Variants in RTN1 observed in about 807,000 individuals in gnomAD.
RTN1 encodes the protein reticulon-1.
Under a neutral mutation model 65.5 loss-of-function variants are expected in RTN1, and 25 were observed. That is an observed-to-expected ratio of 0.38 (90% CI 0.28 to 0.53). RTN1 has a LOEUF of 0.53. Ranked by LOEUF, RTN1 falls within the 20% of genes least tolerant of loss-of-function variation. The pLI is 0.79. For missense variants in RTN1, 983 were observed against 1,025.4 expected, an observed-to-expected ratio of 0.96 and a Z score of 0.57; for synonymous variants, 471 against 447.6, an observed-to-expected ratio of 1.05 and a Z score of -0.66.
At chr14:59,618,150 A>T (rs1349563414) in intron 3 of RTN1, among the ~76,000 whole-genome samples, 1 of 152,250 alleles carries the variant, frequency 6.6e-6, no homozygotes. Context: ...AAACAAAGAC[A>T]GTAACAGCCC....
chr14:59,830,228 C>T (rs1390196345), intron 1 of RTN1, among the ~76,000 whole-genome samples: 2 of 152,144 alleles, frequency 1.3e-5, no homozygotes, highest in East Asian at 1.9e-4. Context: ...CTAACTACAT[C>T]GGATATGAAT....
At chr14:59,601,347 AC>A (rs5809040) in intron 8 of RTN1, among the ~76,000 whole-genome samples, 28,095 of 152,038 alleles carry the variant, frequency 0.18, 3,150 homozygotes, top group African/African-American at 0.32. Context: ...ATGGCTTTCC[AC>A]TATCCTGTCC....
chr14:59,844,373 C>T (rs1398405761), intron 1 of RTN1, among the ~76,000 whole-genome samples: 1 of 152,160 alleles, frequency 6.6e-6, no homozygotes, highest in Admixed American at 6.5e-5. Flanking sequence ...TTCTCACTGT[C>T]TCGAAAGCTT....
chr14:59,743,641 C>T lies in RTN1; in HGVS notation c.1015+2067G>A, dbSNP rs1052815435. ...TCATTACTACCCAAATCTCAATTTA[C>T]ATCTTAAGTGAAGTTCACTGGGCCC... On this transcript the variant is annotated intron_variant, in intron 2 of 8. Coordinates refer to ENST00000267484, the MANE Select transcript of RTN1 (RefSeq NM_021136.3). Among the ~76,000 whole-genome samples the T allele has an allele frequency of 2.0e-5, 3 of 152,262 alleles. No individual in the cohort carries two copies. In the South Asian group the frequency reaches 6.2e-4, roughly 32 times the overall value.
intron 3 of RTN1, chr14:59,630,581 G>C: frequency 6.3e-7 from 1 of 1,599,750 alleles, no homozygotes; most frequent in South Asian, 1.1e-5. Flanking sequence ...GTGCCCGGCT[G>C]CTGCGGCTGG....
chr14:59,699,960 T>C (rs1193783764), intron 3 of RTN1, among the ~76,000 whole-genome samples: 1 of 152,146 alleles, frequency 6.6e-6, no homozygotes, highest in Non-Finnish European at 1.5e-5. Context: ...AGCAAACTCT[T>C]TCTGTCAAGG....
At chr14:59,712,143 T>C (rs948252881) in intron 3 of RTN1, among the ~76,000 whole-genome samples, 1 of 152,166 alleles carries the variant, frequency 6.6e-6, no homozygotes, top group South Asian at 2.1e-4. Context: ...TTTGTTACTG[T>C]AGTATGGCCT....
At chr14:59,681,888 C>T (rs1566683591) in intron 3 of RTN1, among the ~76,000 whole-genome samples, 1 of 152,168 alleles carries the variant, frequency 6.6e-6, no homozygotes, top group Non-Finnish European at 1.5e-5. Context: ...CAAATTCATC[C>T]TCTCAGCTGC....
intron 3 of RTN1, among the ~76,000 whole-genome samples, chr14:59,628,762 A>C (rs755624329): frequency 6.6e-6 from 1 of 152,254 alleles, no homozygotes; most frequent in Non-Finnish European, 1.5e-5. Flanking sequence ...TGTTTTTTTA[A>C]AACCTCGGAG....
chr14:59,688,754 G>C (rs1267340725), intron 3 of RTN1, among the ~76,000 whole-genome samples: 2 of 152,070 alleles, frequency 1.3e-5, no homozygotes, highest in Non-Finnish European at 2.9e-5. Flanking sequence ...CAGGGAGGGG[G>C]TGAAAGGGAA....
chr14:59,614,220 G>A (rs8018480), intron 3 of RTN1, among the ~76,000 whole-genome samples: 5,767 of 152,056 alleles, frequency 0.038, 344 homozygotes, highest in African/African-American at 0.13. Context: ...TTGGGGATCC[G>A]GGATCCGGTA....
rs118084199 is a variant in RTN1 at position 59,815,852 on chromosome 14, C to T, written c.241+54538G>A. Among the ~76,000 whole-genome samples the T allele has an allele frequency of 2.8e-4, 43 of 152,294 alleles. No homozygotes were observed. In the East Asian group the frequency reaches 7.9e-3, roughly 28 times the overall value. On this transcript the variant is annotated intron_variant, in intron 1 of 8. Transcript: ENST00000267484. ...TGATTCCCATCCCTTGAAGGTCTCA[C>T]TGGGCCCTTGTATATCTGCAACTGT...
intron 3 of RTN1, among the ~76,000 whole-genome samples, chr14:59,653,256 AT>A (rs1883055002): frequency 6.6e-6 from 1 of 152,238 alleles, no homozygotes; most frequent in African/African-American, 2.4e-5. Flanking sequence ...AAGAAGTTCC[AT>A]GACATTCTGC....
intron 8 of RTN1, among the ~76,000 whole-genome samples, chr14:59,598,795 A>T (rs1210723950): frequency 2.6e-5 from 4 of 152,214 alleles, no homozygotes; most frequent in Non-Finnish European, 4.4e-5. Context: ...TAGCAATGTT[A>T]GACCTCCAAG....
intron 1 of RTN1, among the ~76,000 whole-genome samples, chr14:59,832,974 C>T (rs1887151965): frequency 6.6e-6 from 1 of 152,186 alleles, no homozygotes; most frequent in Non-Finnish European, 1.5e-5. Context: ...ATGTGCTCTT[C>T]CAGCATGAAG....
At chr14:59,857,885 C>T (rs570192695) in intron 1 of RTN1, among the ~76,000 whole-genome samples, 1 of 152,294 alleles carries the variant, frequency 6.6e-6, no homozygotes, top group South Asian at 2.1e-4. Context: ...AGCTATGAAA[C>T]TAGGCTCATC....
intron 3 of RTN1, among the ~76,000 whole-genome samples, chr14:59,716,978 C>G (rs926757304): frequency 1.2e-5 from 1 of 86,684 alleles, no homozygotes; most frequent in Admixed American, 1.3e-4. Flanking sequence ...AACAAACAAA[C>G]AAACAAACAA....
intron 1 of RTN1, among the ~76,000 whole-genome samples, chr14:59,863,950 G>C (rs958686864): frequency 1.3e-5 from 2 of 151,728 alleles, no homozygotes; most frequent in African/African-American, 4.9e-5. Flanking sequence ...TGTTACTCTG[G>C]TGCAAGCCAC....
chr14:59,770,492 A>G (rs574138340), intron 1 of RTN1, among the ~76,000 whole-genome samples: 2 of 152,104 alleles, frequency 1.3e-5, no homozygotes, highest in South Asian at 4.1e-4. Flanking sequence ...GATTTGCAGT[A>G]AGGCCAGTTC....
Sources: gnomAD v4.1 joint callset for allele counts (sites outside exome capture counted in the v4.1 genomes callset) on GRCh38, gnomAD v4.1.1 for gene constraint, MANE v1.5 for transcripts, NCBI Gene and HGNC (gene_info 2026-07-23, HGNC 2026-07-21) for gene names.